Variants in GRAMD2B observed in about 807,000 individuals in gnomAD.
The protein encoded by GRAMD2B is GRAM domain containing 2B, also known as GRAM domain-containing protein 2B.
GRAMD2B carries 41 observed loss-of-function variants against 59.2 expected under a neutral mutation model. The observed-to-expected ratio is 0.69, with a 90% CI of 0.54 to 0.90. GRAMD2B has a LOEUF of 0.90. Ranked by LOEUF, GRAMD2B falls within the 40% of genes least tolerant of loss-of-function variation. The pLI is 0.00. For synonymous variants in GRAMD2B, 161 were observed against 182.7 expected (o/e 0.88, Z 0.96); for missense variants, 424 against 500.5 (o/e 0.85, Z 1.46).
At chr5:126,375,790 T>C (rs1435483463) in intron 1 of GRAMD2B, among the ~76,000 whole-genome samples, 2 of 152,234 alleles carry the variant, frequency 1.3e-5, no homozygotes, top group African/African-American at 2.4e-5. Context: ...ATGCTTTTAA[T>C]ATTTCAGGAT....
intron 1 of GRAMD2B, among the ~76,000 whole-genome samples, chr5:126,364,529 G>C (rs1754354968): frequency 6.6e-6 from 1 of 152,174 alleles, no homozygotes; most frequent in African/African-American, 2.4e-5. Context: ...TCTGTTGCTG[G>C]TACGTTTTCA....
At chr5:126,487,318 C>T (rs1425360226) in intron 12 of GRAMD2B, among the ~76,000 whole-genome samples, 1 of 152,092 alleles carries the variant, frequency 6.6e-6, no homozygotes, top group Non-Finnish European at 1.5e-5. Flanking sequence ...AATCAAGACA[C>T]TCAGAGAAAG....
chr5:126,448,800 T>C (rs13162633), intron 1 of GRAMD2B, among the ~76,000 whole-genome samples: 41,087 of 152,070 alleles, frequency 0.27, 5,868 homozygotes, highest in African/African-American at 0.37. Context: ...CTTCAGTCAC[T>C]AAGATTGGAG....
At chr5:126,476,002 G>T (rs1453239550) in intron 5 of GRAMD2B, among the ~76,000 whole-genome samples, 1 of 152,210 alleles carries the variant, frequency 6.6e-6, no homozygotes, top group Non-Finnish European at 1.5e-5. Context: ...CAGCTACTAG[G>T]GAGGCTGAGG....
intron 1 of GRAMD2B, among the ~76,000 whole-genome samples, chr5:126,461,609 G>A (rs1413330276): frequency 3.9e-5 from 6 of 152,098 alleles, no homozygotes; most frequent in African/African-American, 1.4e-4. Flanking sequence ...AGACCAGCCT[G>A]GCCAACACAG....
chr5:126,449,624 A>G (rs1581063880), intron 1 of GRAMD2B, among the ~76,000 whole-genome samples: 1 of 152,232 alleles, frequency 6.6e-6, no homozygotes, highest in East Asian at 1.9e-4. Flanking sequence ...TGCTTTCACC[A>G]ATATATAGAT....
At chr5:126,478,729 C>T (rs62394182) in intron 6 of GRAMD2B, among the ~76,000 whole-genome samples, 31,172 of 151,938 alleles carry the variant, frequency 0.21, 3,793 homozygotes, top group Non-Finnish European at 0.27. Context: ...GGTGACAAAG[C>T]GAGACCCTGT....
chr5:126,373,383 A>T (rs1754924588), intron 1 of GRAMD2B, among the ~76,000 whole-genome samples: 1 of 152,244 alleles, frequency 6.6e-6, no homozygotes, highest in South Asian at 2.1e-4. Flanking sequence ...TTTTAGTATC[A>T]CATTATCCTT....
At chr5:126,480,198 C>A (rs779397323) in intron 6 of GRAMD2B, 1 of 373,552 alleles carries the variant, frequency 2.7e-6, no homozygotes, top group Non-Finnish European at 4.8e-6. Flanking sequence ...GCTTTTGGAG[C>A]CTTCATTTTG....
intron 13 of GRAMD2B, among the ~76,000 whole-genome samples, chr5:126,492,287 C>T (rs978736416): frequency 9.2e-5 from 14 of 152,114 alleles, no homozygotes; most frequent in African/African-American, 3.1e-4. Flanking sequence ...CCATTGTCTT[C>T]TAATGCATTT....
intron 13 of GRAMD2B, among the ~76,000 whole-genome samples, chr5:126,492,423 T>C (rs2126998947): frequency 6.6e-6 from 1 of 152,204 alleles, no homozygotes; most frequent in African/African-American, 2.4e-5. Context: ...ATTTCCTCAT[T>C]TTAAAGTGGA....
intron 10 of GRAMD2B, 56 bp from the exon 11 acceptor site, chr5:126,485,630 G>T (rs1451380415): frequency 1.8e-6 from 2 of 1,089,098 alleles, no homozygotes; most frequent in East Asian, 2.4e-5. Context: ...GATATTGCTG[G>T]ATAAAAGAAG....
intron 1 of GRAMD2B, among the ~76,000 whole-genome samples, chr5:126,455,913 C>G (rs1468786835): frequency 6.6e-6 from 1 of 152,114 alleles, no homozygotes; most frequent in Non-Finnish European, 1.5e-5. Context: ...GACACAATAT[C>G]CTTTATGACA....
upstream of GRAMD2B, among the ~76,000 whole-genome samples, chr5:126,369,172 T>G (rs1754614010): frequency 6.6e-6 from 1 of 152,172 alleles, no homozygotes; most frequent in Non-Finnish European, 1.5e-5. Flanking sequence ...GACCCCACAT[T>G]GAAACTCAAA....
chr5:126,424,426 T>A (rs1045202976), intron 1 of GRAMD2B, among the ~76,000 whole-genome samples: 1 of 152,200 alleles, frequency 6.6e-6, no homozygotes, highest in Non-Finnish European at 1.5e-5. Flanking sequence ...TGTTCTGGTA[T>A]CAGGATATGA....
chr5:126,483,721 A>AG, intron 9 of GRAMD2B, 147 bp downstream of exon 9: 1 of 579,140 alleles, frequency 1.7e-6, no homozygotes. Flanking sequence ...ATCTGGAGAA[A>AG]GGATGCCTTG....
In GRAMD2B at chr5:126,360,288, C is replaced by T. The variant is rs868093185; in HGVS notation, c.-44C>T. The stretch of plus-strand genomic sequence containing the variant: ...CTGGTGTAAATACAAAGTTCCTTCC[C>T]GACATTTCCCAGAGTTTCTTGAAGA... On this transcript the variant is annotated 5_prime_UTR_variant, in exon 1 of 14. Transcript: ENST00000513040. 24 of 1,548,012 alleles carry T rather than the reference C, an allele frequency of 1.6e-5. No homozygotes were observed. In the Middle Eastern group the frequency reaches 6.7e-4, roughly 43 times the overall value.
At chr5:126,366,846 C>CTTTTTTT (rs59718576), upstream of GRAMD2B, among the ~76,000 whole-genome samples, 3 of 107,716 alleles carry the variant, frequency 2.8e-5, no homozygotes, top group Non-Finnish European at 5.4e-5. Flanking sequence ...CAGACCAAGG[C>CTTTTTTT]TTTTTTTTTT....
Position 126,395,775 on chromosome 5 carries a change from T to C in GRAMD2B, c.125+24208T>C, listed in dbSNP as rs1195595501. Reference sequence around the variant, plus strand: ...GGGAGGGAGTGTCTGTGTGTGTGTGTGCGCGCATGCACATGTATATGTGTT... The same window carrying C: ...GGGAGGGAGTGTCTGTGTGTGTGTGCGCGCGCATGCACATGTATATGTGTT... On this transcript the variant is annotated intron_variant, in intron 1 of 8. Transcript: ENST00000506445. 7.9e-5 allele frequency among the ~76,000 whole-genome samples: 12 copies of C among 152,252 alleles called. No individual in the cohort carries two copies. The East Asian group carries it at 1.4e-3, about 17-fold the overall frequency.
Sources: gnomAD v4.1 joint callset for allele counts (sites outside exome capture counted in the v4.1 genomes callset) on GRCh38, gnomAD v4.1.1 for gene constraint, MANE v1.5 for transcripts, NCBI Gene and HGNC (gene_info 2026-07-23, HGNC 2026-07-21) for gene names.